Variants in MRPS31 observed in about 807,000 individuals in gnomAD.
MRPS31 encodes mitochondrial ribosomal protein S31.
Under a neutral mutation model 43.1 loss-of-function variants are expected in MRPS31, and 32 were observed. The observed-to-expected ratio is 0.74, with a 90% confidence interval of 0.56 to 1.00. The LOEUF (loss-of-function observed/expected upper bound fraction) is 1.00. MRPS31 is among the 50% of genes least tolerant of loss of function. The pLI is 0.00. For synonymous variants in MRPS31, 165 were observed against 161.6 expected, an observed-to-expected ratio of 1.02 and a Z score of -0.16; for missense variants, 437 against 466.7, an observed-to-expected ratio of 0.94 and a Z score of 0.59.
intron 6 of MRPS31, among the ~76,000 whole-genome samples, chr13:40,741,793 A>G (rs1880101127): frequency 6.6e-6 from 1 of 152,164 alleles, no homozygotes; most frequent in Non-Finnish European, 1.5e-5. Flanking sequence ...GTCTGCATTC[A>G]TAACAATGGG....
At chr13:40,729,688 T>C (rs1879615905) in intron 6 of MRPS31, 87 bp from the exon 7 acceptor site, 1 of 925,736 alleles carries the variant, frequency 1.1e-6, no homozygotes, top group Non-Finnish European at 1.6e-6. Context: ...TAATATAATA[T>C]TACAGTTTAA....
intron 4 of MRPS31, among the ~76,000 whole-genome samples, chr13:40,754,518 T>C (rs372425276): frequency 1.3e-5 from 2 of 152,336 alleles, no homozygotes; most frequent in African/African-American, 2.4e-5. Flanking sequence ...AAAGATTGCA[T>C]TGGTAAATCA....
chr13:40,751,769 C>T (rs564247105), intron 5 of MRPS31, among the ~76,000 whole-genome samples: 14 of 152,306 alleles, frequency 9.2e-5, no homozygotes, highest in Non-Finnish European at 1.5e-4. Flanking sequence ...ATTCTTTAGA[C>T]TCATGCAAGT....
At chr13:40,738,402 A>G (rs941137223) in intron 6 of MRPS31, among the ~76,000 whole-genome samples, 2 of 152,138 alleles carry the variant, frequency 1.3e-5, no homozygotes, top group Non-Finnish European at 2.9e-5. Flanking sequence ...TATTCCAATC[A>G]ATAGAAAAAG....
intron 2 of MRPS31, among the ~76,000 whole-genome samples, chr13:40,761,931 AAAAAG>A (rs1880707943): frequency 1.3e-5 from 2 of 151,696 alleles, no homozygotes; most frequent in African/African-American, 2.4e-5. Context: ...GAAAAAAAAA[AAAAAG>A]AAAGAAAGAA....
chr13:40,754,654 C>A (rs536833014), intron 4 of MRPS31, among the ~76,000 whole-genome samples: 1 of 152,286 alleles, frequency 6.6e-6, no homozygotes, highest in South Asian at 2.1e-4. Context: ...TTTTCTTACA[C>A]ACTTGATAAT....
At chr13:40,739,630 C>T (rs1241339623) in intron 6 of MRPS31, among the ~76,000 whole-genome samples, 8 of 152,132 alleles carry the variant, frequency 5.3e-5, no homozygotes, top group South Asian at 2.1e-4. Flanking sequence ...TCAGAAGTAA[C>T]GCCGTATATC....
chr13:40,747,166 C>T (rs1019759788), intron 6 of MRPS31, among the ~76,000 whole-genome samples: 4 of 151,928 alleles, frequency 2.6e-5, no homozygotes, highest in African/African-American at 9.7e-5. Flanking sequence ...GCAACCTCTA[C>T]CTCCTGGGTT....
chr13:40,731,812 A>G (rs1879708577), intron 6 of MRPS31, among the ~76,000 whole-genome samples: 1 of 152,178 alleles, frequency 6.6e-6, no homozygotes, highest in Admixed American at 6.5e-5. Context: ...ATCTTGGTAC[A>G]TTAATTTTTT....
At chr13:40,754,224 T>C in intron 4 of MRPS31, 132 bp from the exon 5 acceptor site, 1 of 527,846 alleles carries the variant, frequency 1.9e-6, no homozygotes, top group Non-Finnish European at 3.2e-6. Flanking sequence ...TCAAAAATAT[T>C]AGCTAAATTG....
At chr13:40,736,056 C>G in intron 6 of MRPS31, among the ~76,000 whole-genome samples, 1 of 143,632 alleles carries the variant, frequency 7.0e-6, no homozygotes. Context: ...GAATGTATAA[C>G]TAGAATAACC....
chr13:40,761,756 CA>C (rs1346674049), intron 2 of MRPS31, among the ~76,000 whole-genome samples: 1 of 152,038 alleles, frequency 6.6e-6, no homozygotes, highest in African/African-American at 2.4e-5. Flanking sequence ...CATACAATTT[CA>C]GAAAAGAATT....
At chr13:40,758,875 T>C in intron 3 of MRPS31, 73 bp downstream of exon 3, 1 of 1,343,774 alleles carries the variant, frequency 7.4e-7, no homozygotes, top group South Asian at 1.9e-5. Context: ...TTATGTGTAT[T>C]ACTCACTAGC....
chr13:40,754,141 G>T, intron 4 of MRPS31, 49 bp from the exon 5 acceptor site: 1 of 1,044,194 alleles, frequency 9.6e-7, no homozygotes, highest in Non-Finnish European at 1.4e-6. Context: ...ATTTTAAACT[G>T]TCAACAAAAA....
In MRPS31 at chr13:40,739,464, A is replaced by G. The variant is rs200707681; in HGVS notation, c.958+9674T>C. 2.0e-5 allele frequency among the ~76,000 whole-genome samples: 3 copies of G among 152,332 alleles called. No homozygotes were observed. In the East Asian group the frequency reaches 5.8e-4, roughly 29 times the overall value. On this transcript the variant is annotated intron_variant, in intron 6 of 6. Coordinates refer to ENST00000323563, the MANE Select transcript of MRPS31 (RefSeq NM_005830.4). ...TTTAAAGTTCATATGGAACCAAAAA[A>G]GAGCCCACATCGCCAAGTCAATTCT...
At chr13:40,747,004 C>A (rs1419526150) in intron 6 of MRPS31, among the ~76,000 whole-genome samples, 1 of 152,116 alleles carries the variant, frequency 6.6e-6, no homozygotes, top group Non-Finnish European at 1.5e-5. Flanking sequence ...TCTGGAACTT[C>A]TAAAACCACT....
chr13:40,759,146 AAG>A lies in MRPS31; in HGVS notation c.441-42_441-41del, dbSNP rs756556851. The A allele has an allele frequency of 3.4e-5, 51 of 1,515,106 alleles. No homozygotes were observed. In the Admixed American group the frequency reaches 9.5e-4, roughly 28 times the overall value. 93.9% of individuals were successfully genotyped at this position (1,515,106 alleles called of 1,614,324 possible). ...GAAAAACAAATGAGAAAGAAAAAAA[AAG>A]AGAGATTGGCCAGGTGCGGTGGCTC... On this transcript the variant is annotated intron_variant, in intron 2 of 6. Transcript: ENST00000323563.
chr13:40,759,306 G>A (rs1352945796), intron 2 of MRPS31, among the ~76,000 whole-genome samples, 200 bp from the exon 3 acceptor site: 5 of 151,992 alleles, frequency 3.3e-5, no homozygotes, highest in African/African-American at 9.7e-5. Flanking sequence ...GCGTGGTGGC[G>A]CACGCCTGTA....
At chr13:40,751,842 A>G (rs1880399548) in intron 5 of MRPS31, among the ~76,000 whole-genome samples, 1 of 152,198 alleles carries the variant, frequency 6.6e-6, no homozygotes, top group African/African-American at 2.4e-5. Context: ...TCCTAACTAG[A>G]GTATAATAAT....
Sources: allele counts gnomAD v4.1 joint callset (sites outside exome capture counted in the v4.1 genomes callset), GRCh38; gene constraint gnomAD v4.1.1; transcripts MANE v1.5; gene names NCBI Gene and HGNC (gene_info 2026-07-23, HGNC 2026-07-21).